SPAG16: variants seen among roughly 807,000 people sequenced by gnomAD.
The protein encoded by SPAG16 is sperm-associated antigen 16 protein.
In SPAG16, 86 loss-of-function variants were observed where a neutral mutation model predicts 80.4. The observed-to-expected ratio is 1.07, with a 90% CI of 0.90 to 1.28. The LOEUF (loss-of-function observed/expected upper bound fraction) is 1.28. Among genes scored for constraint, SPAG16 ranks in the 50% most tolerant of loss-of-function variants. The pLI is 0.00. For synonymous variants in SPAG16, 294 were observed against 265.9 expected, an observed-to-expected ratio of 1.11 and a Z score of -1.03; for missense variants, 870 against 765.3, an observed-to-expected ratio of 1.14 and a Z score of -1.61.
chr2:213,999,772 G>C (rs1214801336), intron 12 of SPAG16, among the ~76,000 whole-genome samples: 1 of 152,230 alleles, frequency 6.6e-6, no homozygotes, highest in South Asian at 2.1e-4. Context: ...TCTTGCATCA[G>C]CGTGACCTGG....
chr2:214,107,342 G>A (rs920018979), intron 13 of SPAG16, among the ~76,000 whole-genome samples: 6 of 152,082 alleles, frequency 3.9e-5, no homozygotes, highest in African/African-American at 7.2e-5. Flanking sequence ...AATATTTGTC[G>A]AATGAACAAA....
At chr2:214,350,246 C>T (rs1294539847) in intron 15 of SPAG16, among the ~76,000 whole-genome samples, 1 of 152,188 alleles carries the variant, frequency 6.6e-6, no homozygotes, top group East Asian at 1.9e-4. Flanking sequence ...AACATGAACT[C>T]TTCAAGTACT....
intron 10 of SPAG16, among the ~76,000 whole-genome samples, chr2:213,523,362 T>C (rs2075760519): frequency 6.6e-6 from 1 of 152,206 alleles, no homozygotes. Flanking sequence ...CAAACCTCAT[T>C]CTTTTATAAA....
chr2:213,577,796 A>G (rs2060177892), intron 10 of SPAG16, among the ~76,000 whole-genome samples: 2 of 152,180 alleles, frequency 1.3e-5, no homozygotes, highest in African/African-American at 4.8e-5. Context: ...CCAGCTGGGC[A>G]TTCTGGAGAC....
chr2:213,514,572 T>G (rs1300790244), intron 10 of SPAG16, among the ~76,000 whole-genome samples: 2 of 151,030 alleles, frequency 1.3e-5, no homozygotes. Flanking sequence ...ACCCACTAAC[T>G]CGTCATCTAG....
In SPAG16 at chr2:213,375,040, C is replaced by A; in HGVS notation, c.863C>A (p.Pro288Gln). 6.2e-7 allele frequency: 1 copy of A among 1,606,600 alleles called. No homozygotes were observed. Among genetic ancestry groups the A allele is most frequent in the Non-Finnish European group, 8.5e-7 (1 of 1,177,182 alleles). Reference protein sequence around the residue: ...VDHSREKENAPEGPTQKGLRE... With the variant: ...VDHSREKENAQEGPTQKGLRE... Reference sequence around the variant, plus strand: ...CATAGTCGTGAAAAAGAAAATGCACCAGAAGGTCCTACTCAGAAAGGTCTT... The same window carrying A: ...CATAGTCGTGAAAAAGAAAATGCACAAGAAGGTCCTACTCAGAAAGGTCTT... Residue 288 changes from proline (P) to glutamine (Q), a missense_variant, in exon 9 of 16, where the codon CCA (proline) becomes CAA (glutamine). Coordinates refer to ENST00000331683, the MANE Select transcript of SPAG16 (RefSeq NM_024532.5).
rs1032610946 is a variant in SPAG16 at position 213,472,777 on chromosome 2, G to T, written c.943-17186G>T. ...CCTCCATAACCCCCTACTTTAACTG[G>T]AGGACCACAGTGACATTTTGGGTCC... is the stretch of plus-strand genomic sequence containing the variant. On this transcript the variant is annotated intron_variant, in intron 9 of 15. Transcript: ENST00000331683. 1.3e-5 allele frequency among the ~76,000 whole-genome samples: 2 copies of T among 152,142 alleles called. 1 individual carries two copies. Among genetic ancestry groups the T allele is most frequent in the South Asian group, 4.1e-4 (2 of 4,826 alleles).
chr2:213,417,536 C>T (rs2069329364), intron 9 of SPAG16, among the ~76,000 whole-genome samples: 1 of 152,184 alleles, frequency 6.6e-6, no homozygotes, highest in Non-Finnish European at 1.5e-5. Flanking sequence ...TTGTTAAAAA[C>T]TGTTATAGAA....
At chr2:213,789,647 C>T (rs1291560683) in intron 10 of SPAG16, among the ~76,000 whole-genome samples, 2 of 151,922 alleles carry the variant, frequency 1.3e-5, no homozygotes, top group Non-Finnish European at 2.9e-5. Context: ...TATTCACTCA[C>T]ACGATGTAAT....
chr2:213,939,267 T>C (rs1159359336), intron 12 of SPAG16, among the ~76,000 whole-genome samples: 2 of 152,208 alleles, frequency 1.3e-5, no homozygotes, highest in Admixed American at 1.3e-4. Flanking sequence ...GAGCTGGGGA[T>C]ATAGCACTGA....
chr2:213,867,858 A>G (rs1466089683), intron 11 of SPAG16, among the ~76,000 whole-genome samples: 1 of 135,492 alleles, frequency 7.4e-6, no homozygotes, highest in Non-Finnish European at 1.5e-5. Flanking sequence ...TGGGAGGTGG[A>G]GCGTGCAGTG....
intron 13 of SPAG16, among the ~76,000 whole-genome samples, chr2:214,014,942 A>G (rs191801179): frequency 1.3e-5 from 2 of 152,324 alleles, no homozygotes; most frequent in Admixed American, 1.3e-4. Context: ...CAGAAGCCAG[A>G]AATAGATACT....
At chr2:214,109,010 C>T (rs895577897) in intron 14 of SPAG16, among the ~76,000 whole-genome samples, 16 of 152,078 alleles carry the variant, frequency 1.1e-4, no homozygotes, top group Admixed American at 2.0e-4. Context: ...CACTGGCGCC[C>T]TCCCTCCTGA....
At chr2:213,897,846 A>T (rs2077057057) in intron 11 of SPAG16, among the ~76,000 whole-genome samples, 1 of 152,202 alleles carries the variant, frequency 6.6e-6, no homozygotes, top group Non-Finnish European at 1.5e-5. Context: ...TTTCTGCAAG[A>T]AAGGACTGAC....
intron 15 of SPAG16, among the ~76,000 whole-genome samples, chr2:214,222,435 T>C (rs2058603280): frequency 6.6e-6 from 1 of 152,104 alleles, no homozygotes; most frequent in Non-Finnish European, 1.5e-5. Context: ...TTGAGCACAT[T>C]GTAGTAAAAT....
chr2:214,152,660 C>T (rs148805802), intron 15 of SPAG16, among the ~76,000 whole-genome samples: 2,143 of 152,166 alleles, frequency 0.014, 42 homozygotes, highest in African/African-American at 0.046. Flanking sequence ...ACCACCAATG[C>T]GCGGAGACCA....
At chr2:214,396,914 T>A (rs1461768643) in intron 15 of SPAG16, among the ~76,000 whole-genome samples, 3 of 151,892 alleles carry the variant, frequency 2.0e-5, no homozygotes, top group African/African-American at 7.2e-5. Context: ...AAAAAGCACT[T>A]TTCTTTAGCT....
At chr2:213,455,348 C>T (rs1242276911) in intron 9 of SPAG16, among the ~76,000 whole-genome samples, 1 of 152,066 alleles carries the variant, frequency 6.6e-6, no homozygotes, top group Non-Finnish European at 1.5e-5. Flanking sequence ...CTCTGTTTAC[C>T]TCCCTCCCCA....
At chr2:213,458,531 C>G (rs568071774) in intron 9 of SPAG16, among the ~76,000 whole-genome samples, 1 of 152,106 alleles carries the variant, frequency 6.6e-6, no homozygotes, top group African/African-American at 2.4e-5. Flanking sequence ...GAGATCGCGC[C>G]GCTGCACTCC....
Sources: gnomAD v4.1 joint callset for allele counts (sites outside exome capture counted in the v4.1 genomes callset) on GRCh38, gnomAD v4.1.1 for gene constraint, MANE v1.5 for transcripts, NCBI Gene and HGNC (gene_info 2026-07-23, HGNC 2026-07-21) for gene names.